The following DLGAP2 variants were observed in gnomAD, a reference collection of about 807,000 sequenced individuals.
DLGAP2 encodes the protein DLG associated protein 2.
In DLGAP2, 26 loss-of-function variants were observed where a neutral mutation model predicts 100.3. The ratio of observed to expected loss-of-function variants is 0.26; its 90% CI spans 0.19 to 0.36. The LOEUF is 0.36. Among genes scored for constraint, DLGAP2 ranks in the 10% least tolerant of loss-of-function variants. The pLI is 1.00. For synonymous variants in DLGAP2, 886 were observed against 630.1 expected (o/e 1.41, Z -6.08); for missense variants, 1,858 against 1,453.2 (o/e 1.28, Z -4.53).
intron 2 of DLGAP2, among the ~76,000 whole-genome samples, chr8:1,054,259 CG>C (rs1240050306): frequency 2.6e-5 from 4 of 151,970 alleles, no homozygotes; most frequent in Non-Finnish European, 4.4e-5. Flanking sequence ...CGTACACACA[CG>C]CACACACACG....
chr8:1,656,103 C>A (rs982509629), intron 8 of DLGAP2, among the ~76,000 whole-genome samples: 24 of 152,188 alleles, frequency 1.6e-4, no homozygotes, highest in African/African-American at 4.8e-4. Flanking sequence ...GCGGGCAGAT[C>A]ACCTGAGGTT....
At chr8:747,742 CT>C (rs1344637275) in intron 1 of DLGAP2, among the ~76,000 whole-genome samples, 5 of 7,446 alleles carry the variant, frequency 6.7e-4, no homozygotes, top group Admixed American at 1.7e-3. Flanking sequence ...GATGGGGGGG[CT>C]CTGCGGTGGG....
intron 5 of DLGAP2, among the ~76,000 whole-genome samples, chr8:1,556,894 C>T (rs984390787): frequency 6.6e-6 from 1 of 152,160 alleles, no homozygotes; most frequent in East Asian, 1.9e-4. Flanking sequence ...GATGTACATC[C>T]CGGGAGGCAG....
At chr8:1,494,891 T>G (rs1280658590) in intron 3 of DLGAP2, among the ~76,000 whole-genome samples, 1 of 151,972 alleles carries the variant, frequency 6.6e-6, no homozygotes, top group African/African-American at 2.4e-5. Flanking sequence ...AAACTTAACT[T>G]CCCCAGGCGT....
intron 3 of DLGAP2, chr8:1,301,148 G>T (rs1037511695): frequency 6.6e-6 from 1 of 152,372 alleles, no homozygotes; most frequent in South Asian, 2.1e-4. Context: ...GTGTCCCATG[G>T]TTAGCCAAGT....
At chr8:1,130,108 AAGGGATCG>A (rs1796258382) in intron 2 of DLGAP2, among the ~76,000 whole-genome samples, 2 of 148,620 alleles carry the variant, frequency 1.3e-5, no homozygotes, top group Non-Finnish European at 3.0e-5. Context: ...CACGCGAGTT[AAGGGATCG>A]TGTCAGACAC....
chr8:842,896 T>G (rs1797008835), intron 1 of DLGAP2, among the ~76,000 whole-genome samples: 1 of 152,236 alleles, frequency 6.6e-6, no homozygotes, highest in Non-Finnish European at 1.5e-5. Flanking sequence ...TAATTCTGAT[T>G]TACATTGTTC....
chr8:1,412,759 C>T (rs1480823720), intron 3 of DLGAP2, among the ~76,000 whole-genome samples: 2 of 152,212 alleles, frequency 1.3e-5, no homozygotes, highest in Non-Finnish European at 2.9e-5. Context: ...AGGCAATTGC[C>T]AGCTGTGATG....
chr8:937,123 C>G (rs1799089859), intron 2 of DLGAP2, among the ~76,000 whole-genome samples: 1 of 152,202 alleles, frequency 6.6e-6, no homozygotes, highest in Non-Finnish European at 1.5e-5. Flanking sequence ...TTAAGACTTT[C>G]TCCTGAGGAC....
chr8:1,623,843 A>T (rs1324965512), intron 6 of DLGAP2, among the ~76,000 whole-genome samples: 2 of 152,278 alleles, frequency 1.3e-5, no homozygotes, highest in African/African-American at 4.8e-5. Flanking sequence ...TTGCATAGAA[A>T]ATGTTAGCTA....
At chr8:899,757 A>G (rs899522515) in intron 1 of DLGAP2, among the ~76,000 whole-genome samples, 4 of 152,218 alleles carry the variant, frequency 2.6e-5, no homozygotes, top group Non-Finnish European at 4.4e-5. Flanking sequence ...TTGAGTATAT[A>G]TTAATGTTCT....
Position 940,406 on chromosome 8 carries a change from A to T in DLGAP2, c.73+32440A>T, listed in dbSNP as rs181765420. ...AGAGAGAGAGGGAAAAGGGTGCTGAAGCCCAGGAGTTCCCTGTGATTTCAC... is the reference window on the plus strand; with the variant it reads ...AGAGAGAGAGGGAAAAGGGTGCTGATGCCCAGGAGTTCCCTGTGATTTCAC... On this transcript the variant is annotated intron_variant, in intron 2 of 14. Transcript: ENST00000637795. Among the ~76,000 whole-genome samples, 185 of 152,034 alleles carry T rather than the reference A, an allele frequency of 1.2e-3. No individual in the cohort carries two copies. The Middle Eastern group carries it at 0.027, about 22-fold the overall frequency.
At chr8:885,597 A>G (rs1396385008) in intron 1 of DLGAP2, among the ~76,000 whole-genome samples, 1 of 152,142 alleles carries the variant, frequency 6.6e-6, no homozygotes, top group Non-Finnish European at 1.5e-5. Context: ...CTCTCTTCCT[A>G]CTTGAATACC....
intron 2 of DLGAP2, among the ~76,000 whole-genome samples, chr8:989,672 A>T (rs1800598515): frequency 6.6e-6 from 1 of 152,210 alleles, no homozygotes; most frequent in African/African-American, 2.4e-5. Context: ...ACCTGAGAAA[A>T]GTGAATGATT....
intron 3 of DLGAP2, among the ~76,000 whole-genome samples, chr8:1,360,152 G>A (rs1801947092): frequency 1.3e-5 from 2 of 151,630 alleles, no homozygotes; most frequent in African/African-American, 4.8e-5. Context: ...TGACCTTGGT[G>A]CAGGTGCATA....
intron 2 of DLGAP2, among the ~76,000 whole-genome samples, chr8:1,139,890 TCG>T (rs1453551137): frequency 2.0e-5 from 3 of 151,664 alleles, no homozygotes; most frequent in East Asian, 1.9e-4. Flanking sequence ...GTGAGGGAAA[TCG>T]GGGGGAAGTG....
chr8:1,244,309 A>T (rs536084356), intron 2 of DLGAP2, among the ~76,000 whole-genome samples: 1 of 152,374 alleles, frequency 6.6e-6, no homozygotes, highest in African/African-American at 2.4e-5. Flanking sequence ...GGAATGACTG[A>T]TAGGTCATAG....
At chr8:820,270 A>C (rs1796559513) in intron 1 of DLGAP2, among the ~76,000 whole-genome samples, 1 of 152,252 alleles carries the variant, frequency 6.6e-6, no homozygotes, top group Non-Finnish European at 1.5e-5. Flanking sequence ...AATTTAGTAC[A>C]ATATGTTTTT....
intron 2 of DLGAP2, among the ~76,000 whole-genome samples, chr8:953,028 A>C (rs1481938247): frequency 1.3e-5 from 2 of 152,216 alleles, no homozygotes; most frequent in Non-Finnish European, 2.9e-5. Context: ...TTATTGGTTC[A>C]CTGAATTATG....
Sources: allele counts gnomAD v4.1 joint callset (sites outside exome capture counted in the v4.1 genomes callset), GRCh38; gene constraint gnomAD v4.1.1; transcripts MANE v1.5; gene names NCBI Gene and HGNC (gene_info 2026-07-23, HGNC 2026-07-21).